Variants in NTM observed in about 807,000 individuals in gnomAD.
NTM encodes IgLON family member 2.
In NTM, 13 loss-of-function variants were observed where a neutral mutation model predicts 42.1. That is an observed-to-expected ratio of 0.31 (90% CI 0.20 to 0.49). NTM has a LOEUF of 0.49. NTM is among the 20% of genes least tolerant of loss of function. NTM has a pLI of 0.99. For synonymous variants in NTM, 187 were observed against 179.2 expected (o/e 1.04, Z -0.35); for missense variants, 373 against 452.8 (o/e 0.82, Z 1.60).
chr11:132,072,272 C>A (rs1009052033), intron 2 of NTM, among the ~76,000 whole-genome samples: 1 of 152,158 alleles, frequency 6.6e-6, no homozygotes, highest in African/African-American at 2.4e-5. Flanking sequence ...GTCTTGTAAA[C>A]CCCAGGATAT....
intron 2 of NTM, among the ~76,000 whole-genome samples, chr11:131,937,068 GA>G (rs1404229441): frequency 1.3e-5 from 2 of 152,208 alleles, no homozygotes; most frequent in African/African-American, 2.4e-5. Flanking sequence ...TTTCAGCTAT[GA>G]AAATGTGAAG....
intron 1 of NTM, among the ~76,000 whole-genome samples, chr11:131,411,759 A>C (rs1946457002): frequency 6.6e-6 from 1 of 152,044 alleles, no homozygotes; most frequent in Non-Finnish European, 1.5e-5. Context: ...ACCATGCCAG[A>C]TTTGCAGAGC....
chr11:131,792,448 C>T (rs1211904227), intron 1 of NTM, among the ~76,000 whole-genome samples: 1 of 152,112 alleles, frequency 6.6e-6, no homozygotes, highest in African/African-American at 2.4e-5. Flanking sequence ...CCAGCCAAGC[C>T]GGGTTGGATT....
chr11:132,205,934 A>G (rs1367842566), intron 3 of NTM, among the ~76,000 whole-genome samples: 3 of 152,130 alleles, frequency 2.0e-5, no homozygotes, highest in African/African-American at 7.2e-5. Context: ...AGTTCCCCCT[A>G]GAAGGTCTAG....
intron 1 of NTM, among the ~76,000 whole-genome samples, chr11:131,406,314 T>A (rs557202850): frequency 6.6e-6 from 1 of 152,332 alleles, no homozygotes; most frequent in African/African-American, 2.4e-5. Flanking sequence ...ATCTAGAAAC[T>A]GGGACAAGTT....
intron 2 of NTM, among the ~76,000 whole-genome samples, chr11:132,039,726 G>A (rs1271133175): frequency 6.6e-6 from 1 of 152,164 alleles, no homozygotes; most frequent in African/African-American, 2.4e-5. Context: ...ACCAAGGCAG[G>A]TGTGTGGGAA....
chr11:131,416,416 T>A (rs1049078130), intron 1 of NTM, among the ~76,000 whole-genome samples: 1 of 152,218 alleles, frequency 6.6e-6, no homozygotes, highest in South Asian at 2.1e-4. Flanking sequence ...TAAGAAGCCA[T>A]GAAAATCTTT....
chr11:131,400,963 C>T (rs1456340544), intron 1 of NTM, among the ~76,000 whole-genome samples: 1 of 144,700 alleles, frequency 6.9e-6, no homozygotes, highest in African/African-American at 2.6e-5. Flanking sequence ...ACCTTCCCTG[C>T]CACCCCTGCC....
At chr11:132,026,981 C>T (rs761537132) in intron 2 of NTM, among the ~76,000 whole-genome samples, 3 of 152,186 alleles carry the variant, frequency 2.0e-5, no homozygotes, top group Non-Finnish European at 4.4e-5. Flanking sequence ...TTTTGTAGAC[C>T]TTGTCTACGC....
chr11:131,603,240 A>G (rs1054262766), intron 1 of NTM, among the ~76,000 whole-genome samples: 3 of 151,878 alleles, frequency 2.0e-5, no homozygotes, highest in Non-Finnish European at 2.9e-5. Context: ...GGTCCTCTCC[A>G]TCCCTCCAAC....
chr11:131,751,366 G>T (rs1003660616), intron 1 of NTM, among the ~76,000 whole-genome samples: 2 of 152,016 alleles, frequency 1.3e-5, no homozygotes, highest in Non-Finnish European at 2.9e-5. Flanking sequence ...TGAGGTGGGC[G>T]GATCACGAGG....
chr11:132,026,913 C>T (rs902786317), intron 2 of NTM, among the ~76,000 whole-genome samples: 4 of 152,216 alleles, frequency 2.6e-5, no homozygotes, highest in African/African-American at 9.6e-5. Flanking sequence ...TTTCTATCCT[C>T]ATGTTCCTTC....
intron 1 of NTM, among the ~76,000 whole-genome samples, chr11:131,844,366 C>T (rs1446219343): frequency 2.6e-5 from 4 of 152,076 alleles, no homozygotes; most frequent in Admixed American, 6.6e-5. Flanking sequence ...TTCCACACTA[C>T]CTTAATTCCT....
chr11:131,893,985 AAGAG>A (rs771279484), intron 1 of NTM, among the ~76,000 whole-genome samples: 2 of 152,204 alleles, frequency 1.3e-5, no homozygotes, highest in African/African-American at 2.4e-5. Context: ...ATAGCTGCAA[AAGAG>A]AGAGAAAGGT....
At chr11:132,019,929 T>C (rs984006391) in intron 2 of NTM, among the ~76,000 whole-genome samples, 6 of 151,988 alleles carry the variant, frequency 3.9e-5, no homozygotes, top group Admixed American at 3.9e-4. Flanking sequence ...TGGAATATGA[T>C]TGAATCTCTC....
Position 132,203,059 on chromosome 11 carries a change from C to T in NTM, c.401-8963C>T, listed in dbSNP as rs968038413. Among the ~76,000 whole-genome samples, 4 of 152,158 alleles carry T rather than the reference C, an allele frequency of 2.6e-5. No homozygotes were observed. The South Asian group carries it at 6.2e-4, about 24-fold the overall frequency. On this transcript the variant is annotated intron_variant, in intron 3 of 8. Coordinates refer to ENST00000683400, the MANE Select transcript of NTM (RefSeq NM_001352005.2). Reference sequence around the variant, plus strand: ...CTGATTGACTGTAATCTGACCCTTCCGTTCTTGAAAATGATGGCAGCAAGC... The same window carrying T: ...CTGATTGACTGTAATCTGACCCTTCTGTTCTTGAAAATGATGGCAGCAAGC...
At chr11:131,603,390 G>T (rs2060652230) in intron 1 of NTM, among the ~76,000 whole-genome samples, 2 of 152,038 alleles carry the variant, frequency 1.3e-5, no homozygotes, top group Admixed American at 1.3e-4. Context: ...GCCAAAATTT[G>T]CATTCCTAAT....
intron 3 of NTM, among the ~76,000 whole-genome samples, chr11:132,150,953 T>C (rs1383227704): frequency 2.0e-5 from 3 of 152,192 alleles, no homozygotes; most frequent in African/African-American, 7.2e-5. Context: ...ATGTAAGAAA[T>C]ACCACCCGTG....
rs187068399 is a variant in NTM at position 131,526,246 on chromosome 11, G to A, written c.82+155358G>A. Among the ~76,000 whole-genome samples, 27 of 152,290 alleles carry A rather than the reference G, an allele frequency of 1.8e-4. No homozygotes were observed. The East Asian group carries it at 2.1e-3, about 12-fold the overall frequency. ...AGTCTGACCCCCACTTTACTGCAGCGCAGTAGAAAAGACAGTCACCCTAAA... is the reference window on the plus strand; with the variant it reads ...AGTCTGACCCCCACTTTACTGCAGCACAGTAGAAAAGACAGTCACCCTAAA... On this transcript the variant is annotated intron_variant, in intron 1 of 8. Transcript: ENST00000683400.
Sources: gnomAD v4.1 joint callset for allele counts (sites outside exome capture counted in the v4.1 genomes callset) on GRCh38, gnomAD v4.1.1 for gene constraint, MANE v1.5 for transcripts, NCBI Gene and HGNC (gene_info 2026-07-23, HGNC 2026-07-21) for gene names.